The following GRAMD1B variants were observed in gnomAD, a reference collection of about 807,000 sequenced individuals.
GRAMD1B encodes the protein GRAM domain containing 1B, also known as protein Aster-B.
A neutral mutation model predicts 99.7 loss-of-function variants in GRAMD1B; 37 were observed. That is an observed-to-expected ratio of 0.37 (90% CI 0.29 to 0.49). The LOEUF (loss-of-function observed/expected upper bound fraction) is 0.49. Ranked by LOEUF, GRAMD1B falls within the 20% of genes least tolerant of loss-of-function variation. GRAMD1B has a pLI of 0.98. For missense variants in GRAMD1B, 888 were observed against 1,009.2 expected, an observed-to-expected ratio of 0.88 and a Z score of 1.63; for synonymous variants, 427 against 387.6, an observed-to-expected ratio of 1.10 and a Z score of -1.19.
At chr11:123,585,390 C>A (rs1386603712) in intron 4 of GRAMD1B, among the ~76,000 whole-genome samples, 1 of 152,224 alleles carries the variant, frequency 6.6e-6, no homozygotes, top group Non-Finnish European at 1.5e-5. Context: ...TGCTCACGAG[C>A]CCTGTGGCTG....
rs1237342069 is a variant in GRAMD1B at position 123,623,258 on chromosome 11, T to A, written c.*663T>A. 1 of 152,116 alleles carries A rather than the reference T, an allele frequency of 6.6e-6. No homozygotes were observed. Among genetic ancestry groups the A allele is most frequent in the African/African-American group, 2.4e-5 (1 of 41,418 alleles). The allele number at this position is 152,116 out of a possible 1,614,324, so 9.4% of individuals were successfully genotyped here. On this transcript the variant is annotated 3_prime_UTR_variant, in exon 20 of 20. Coordinates refer to ENST00000635736, the MANE Select transcript of GRAMD1B (RefSeq NM_001387025.1). Reference sequence around the variant, plus strand: ...GAAGGATACTCTCCTCCATCACCCCTGCACCTTCCTCCGACCTGTGTAGGG... The same window carrying A: ...GAAGGATACTCTCCTCCATCACCCCAGCACCTTCCTCCGACCTGTGTAGGG...
chr11:123,622,407 G>A, intron 19 of GRAMD1B, 99 bp from the exon 20 acceptor site: 2 of 721,940 alleles, frequency 2.8e-6, no homozygotes, highest in Non-Finnish European at 5.0e-6. Context: ...TGGCGTGGTT[G>A]GAGGCCTGCC....
chr11:123,407,821 C>T (rs1947907203), intron 1 of GRAMD1B, among the ~76,000 whole-genome samples: 1 of 152,186 alleles, frequency 6.6e-6, no homozygotes, highest in Non-Finnish European at 1.5e-5. Context: ...GTAAACTAAG[C>T]TCTGCAAATA....
intron 2 of GRAMD1B, among the ~76,000 whole-genome samples, chr11:123,509,659 G>A (rs900496495): frequency 1.3e-5 from 2 of 152,202 alleles, no homozygotes; most frequent in Non-Finnish European, 1.5e-5. Context: ...TTGGGAATGT[G>A]AGCAGCCTGT....
chr11:123,488,189 G>A (rs537838705), intron 2 of GRAMD1B, among the ~76,000 whole-genome samples: 3 of 152,242 alleles, frequency 2.0e-5, no homozygotes, highest in Non-Finnish European at 4.4e-5. Flanking sequence ...CCACTTTCAT[G>A]ATTTACGGCC....
At chr11:123,488,933 G>C (rs1009638837) in intron 2 of GRAMD1B, among the ~76,000 whole-genome samples, 1 of 152,102 alleles carries the variant, frequency 6.6e-6, no homozygotes, top group Non-Finnish European at 1.5e-5. Flanking sequence ...AATAGTTAGG[G>C]GGGGGCGGTC....
chr11:123,619,244 C>T lies in GRAMD1B; in HGVS notation c.2544+20C>T. On this transcript the variant is annotated intron_variant, in intron 19 of 19. Transcript: ENST00000635736. ...GACCAGGTGAGATGCCCCACCTTCT[C>T]TGCTTGCCCTGGTCTTTGGGAGCGG... is the stretch of plus-strand genomic sequence containing the variant. 6.4e-7 allele frequency: 1 copy of T among 1,551,328 alleles called. No individual in the cohort carries two copies. The highest frequency in any genetic ancestry group is 8.7e-7 in the Non-Finnish European group (1 of 1,147,438).
chr11:123,494,904 C>T (rs1408876323), intron 2 of GRAMD1B, among the ~76,000 whole-genome samples: 1 of 152,076 alleles, frequency 6.6e-6, no homozygotes, highest in Admixed American at 6.6e-5. Context: ...CCTTGTACTC[C>T]AGGGTTGAGA....
At chr11:123,461,853 G>A (rs11219152) in intron 1 of GRAMD1B, among the ~76,000 whole-genome samples, 22,504 of 151,198 alleles carry the variant, frequency 0.15, 2,003 homozygotes, top group East Asian at 0.4. Context: ...CGATACCCCC[G>A]CCTCAGCCTC....
chr11:123,613,505 C>A lies in GRAMD1B; in HGVS notation c.2074C>A (p.Gln692Lys), dbSNP rs749861438. The A allele has an allele frequency of 1.2e-6, 2 of 1,613,308 alleles. No individual in the cohort carries two copies. The highest frequency in any genetic ancestry group is 1.7e-6 in the Non-Finnish European group (2 of 1,179,658). The change falls in exon 16 of 20, where the codon CAA (glutamine) becomes AAA (lysine). Residue 692 changes from glutamine to lysine, a missense_variant. Coordinates refer to ENST00000635736, the MANE Select transcript of GRAMD1B (RefSeq NM_001387025.1). ...ESTYLAEMHR[Q>K]SPKEKASKTT... Reference sequence around the variant, plus strand: ...CACTTATTTGGCTGAGATGCACAGACAATCTCCCAAAGAGAAGGCCAGCAA... The same window carrying A: ...CACTTATTTGGCTGAGATGCACAGAAAATCTCCCAAAGAGAAGGCCAGCAA...
At chr11:123,558,467 G>A (rs2852845) in intron 2 of GRAMD1B, among the ~76,000 whole-genome samples, 44,360 of 152,086 alleles carry the variant, frequency 0.29, 7,452 homozygotes, top group African/African-American at 0.46. Flanking sequence ...GTTCTCGGGT[G>A]CTTTCACATG....
chr11:123,618,753 C>T lies in GRAMD1B; in HGVS notation c.2379C>T (p.Tyr793=). ...MLFYKLWMLE[Y]TTQTLTAWQG... is the part of the protein sequence containing the mutation. ...TCTACAAACTCTGGATGTTGGAATA[C>T]ACCACGCAGACCCTCACTGCCTGGC... The change falls in exon 18 of 20, where the codon TAC becomes TAT. Residue 793 remains tyrosine, a synonymous_variant. Transcript: ENST00000635736. 1 of 1,586,850 alleles carries T rather than the reference C, an allele frequency of 6.3e-7. No homozygotes were observed. The highest frequency in any genetic ancestry group is 8.6e-7 in the Non-Finnish European group (1 of 1,165,548).
chr11:123,469,431 A>C (rs536780015), intron 1 of GRAMD1B, among the ~76,000 whole-genome samples: 1 of 152,260 alleles, frequency 6.6e-6, no homozygotes, highest in East Asian at 1.9e-4. Flanking sequence ...AGGCCGTCGG[A>C]GTGATGAATG....
rs1955396755 is a variant in GRAMD1B at position 123,624,730 on chromosome 11, G to A, written c.*2135G>A. ...TTGAATGCAAAACTTGTAGATTCCT[G>A]AATTTATTCCATACATAATTATTTC... On this transcript the variant is annotated 3_prime_UTR_variant, in exon 20 of 20. Transcript: ENST00000635736. 3 of 152,182 alleles carry A rather than the reference G, an allele frequency of 2.0e-5. No homozygotes were observed. Among genetic ancestry groups the A allele is most frequent in the African/African-American group, 7.2e-5 (3 of 41,446 alleles). The allele number at this position is 152,182 out of a possible 1,614,324, so 9.4% of individuals were successfully genotyped here. A position where few individuals can be genotyped will look rare whatever the true frequency, so the allele number is the denominator to read the frequency against.
At chr11:123,515,676 T>G (rs2135371706) in intron 2 of GRAMD1B, among the ~76,000 whole-genome samples, 1 of 152,244 alleles carries the variant, frequency 6.6e-6, no homozygotes, top group East Asian at 1.9e-4. Context: ...AGCTAGCAAC[T>G]AAACTGAAAC....
At chr11:123,434,538 C>T (rs1949071545) in intron 1 of GRAMD1B, among the ~76,000 whole-genome samples, 1 of 152,086 alleles carries the variant, frequency 6.6e-6, no homozygotes. Context: ...CCTGTAATCC[C>T]AGCACTTTGG....
chr11:123,589,474 C>A (rs575551907), intron 4 of GRAMD1B, among the ~76,000 whole-genome samples: 8 of 151,788 alleles, frequency 5.3e-5, no homozygotes, highest in Non-Finnish European at 5.9e-5. Context: ...TTGAGAGTCT[C>A]TCTCTGCCGC....
At chr11:123,380,646 T>C (rs1307266885) in intron 1 of GRAMD1B, among the ~76,000 whole-genome samples, 1 of 152,190 alleles carries the variant, frequency 6.6e-6, no homozygotes, top group Non-Finnish European at 1.5e-5. Context: ...AGGAGGCTGC[T>C]GCCCACCGCC....
intron 1 of GRAMD1B, among the ~76,000 whole-genome samples, chr11:123,366,825 TACTC>T (rs1253859955): frequency 6.6e-6 from 1 of 152,246 alleles, no homozygotes; most frequent in African/African-American, 2.4e-5. Flanking sequence ...AATGTGTTCT[TACTC>T]CAATATTATT....
Sources: allele counts gnomAD v4.1 joint callset (sites outside exome capture counted in the v4.1 genomes callset), GRCh38; gene constraint gnomAD v4.1.1; transcripts MANE v1.5; gene names NCBI Gene and HGNC (gene_info 2026-07-23, HGNC 2026-07-21).